The following JAK1 variants were observed in gnomAD, a reference collection of about 807,000 sequenced individuals.
The protein encoded by JAK1 is tyrosine-protein kinase JAK1.
A neutral mutation model predicts 136.6 loss-of-function variants in JAK1; 16 were observed. The observed-to-expected ratio is 0.12, with a 90% CI of 0.08 to 0.18. JAK1 has a LOEUF of 0.18. Ranked by LOEUF, JAK1 falls within the 10% of genes least tolerant of loss-of-function variation. JAK1 has a pLI of 1.00. For synonymous variants in JAK1, 492 were observed against 519.5 expected (o/e 0.95, Z 0.72); for missense variants, 859 against 1,450.1 (o/e 0.59, Z 6.62).
chr1:64,957,820 T>C (rs566852377), intron 1 of JAK1, among the ~76,000 whole-genome samples: 8 of 152,326 alleles, frequency 5.3e-5, no homozygotes, highest in African/African-American at 1.4e-4. Flanking sequence ...GGCGGGAGCC[T>C]GTAATCCCAG....
At chr1:65,022,687 A>G (rs930894397) in intron 2 of JAK1, among the ~76,000 whole-genome samples, 1 of 152,246 alleles carries the variant, frequency 6.6e-6, no homozygotes, top group African/African-American at 2.4e-5. Flanking sequence ...CTTTATTTTT[A>G]GACTTTAACA....
At chr1:64,935,450 C>A (rs748312230) in intron 1 of JAK1, among the ~76,000 whole-genome samples, 1 of 152,178 alleles carries the variant, frequency 6.6e-6, no homozygotes, top group Non-Finnish European at 1.5e-5. Flanking sequence ...CAGGCGTGTG[C>A]CACCACGCCC....
At chr1:64,835,078 C>G (rs1384759956) in intron 24 of JAK1, among the ~76,000 whole-genome samples, 1 of 148,342 alleles carries the variant, frequency 6.7e-6, no homozygotes, top group African/African-American at 2.5e-5. Flanking sequence ...GTGGGATAAA[C>G]TTACACACAA....
intron 5 of JAK1, among the ~76,000 whole-genome samples, chr1:64,872,111 C>T (rs887576813): frequency 2.0e-5 from 3 of 152,202 alleles, no homozygotes; most frequent in East Asian, 1.9e-4. Context: ...GTTCCCTCTA[C>T]ATCAGATCTT....
chr1:64,842,103 T>A (rs922098028), intron 17 of JAK1, among the ~76,000 whole-genome samples: 1 of 152,216 alleles, frequency 6.6e-6, no homozygotes, highest in African/African-American at 2.4e-5. Context: ...GTAAAAATTA[T>A]GATTTAATCT....
intron 1 of JAK1, among the ~76,000 whole-genome samples, chr1:64,934,028 C>G (rs1330545658): frequency 6.6e-6 from 1 of 152,164 alleles, no homozygotes; most frequent in Non-Finnish European, 1.5e-5. Context: ...TGGGAGCTGA[C>G]AGAAAGTGAC....
At chr1:64,948,564 A>T (rs1214032346) in intron 1 of JAK1, among the ~76,000 whole-genome samples, 4 of 152,222 alleles carry the variant, frequency 2.6e-5, no homozygotes, top group African/African-American at 9.6e-5. Flanking sequence ...AAACACAAGG[A>T]ATACTATCCA....
At chr1:64,905,906 G>A (rs1403153862) in intron 1 of JAK1, among the ~76,000 whole-genome samples, 2 of 152,240 alleles carry the variant, frequency 1.3e-5, no homozygotes, top group East Asian at 1.9e-4. Context: ...CCAAATGTCG[G>A]TGGCCCAAGG....
chr1:64,985,092 T>TGTA, intron 2 of JAK1: 1 of 957,392 alleles, frequency 1.0e-6, no homozygotes, highest in South Asian at 1.3e-5. Context: ...GCCTATCATA[T>TGTA]GTAGAGTCCT....
intron 17 of JAK1, among the ~76,000 whole-genome samples, chr1:64,843,311 T>G (rs1028229274): frequency 2.0e-5 from 3 of 152,160 alleles, no homozygotes; most frequent in African/African-American, 4.8e-5. Context: ...CAGGAGCACA[T>G]TCCAATTGCA....
chr1:64,960,619 G>A (rs1284266065), intron 1 of JAK1, among the ~76,000 whole-genome samples: 2 of 152,114 alleles, frequency 1.3e-5, no homozygotes, highest in Admixed American at 6.6e-5. Flanking sequence ...ACCTTCTCTC[G>A]CAGCTCACTC....
At chr1:64,848,952 A>G (rs1655414910) in intron 12 of JAK1, among the ~76,000 whole-genome samples, 1 of 152,228 alleles carries the variant, frequency 6.6e-6, no homozygotes, top group Admixed American at 6.5e-5. Flanking sequence ...TTGGCTATTC[A>G]TTAAAGCTGC....
chr1:65,043,254 CCTATT>C (rs1315884018), intron 2 of JAK1, among the ~76,000 whole-genome samples: 1 of 151,976 alleles, frequency 6.6e-6, no homozygotes, highest in Non-Finnish European at 1.5e-5. Context: ...AATTTTTATG[CCTATT>C]CTAAAGGTGA....
At position 64,833,229 on chromosome 1, in the gene JAK1, T is replaced by TAA. The variant is rs1654234424; in HGVS notation, c.*1331_*1332dup. The stretch of plus-strand genomic sequence containing the variant: ...CTTAATATTAAAAGGCATATGCATG[T>TAA]AAAGTCTTTAGTATATTTATTTGTA... On this transcript the variant is annotated 3_prime_UTR_variant, in exon 25 of 25. Coordinates refer to ENST00000342505, the MANE Select transcript of JAK1 (RefSeq NM_002227.4). The TAA allele has an allele frequency of 4.5e-6, 1 of 221,754 alleles. No homozygotes were observed. The highest frequency in any genetic ancestry group is 1.8e-4 in the South Asian group (1 of 5,428). The allele number at this position is 221,754 out of a possible 1,614,324, so 13.7% of individuals were successfully genotyped here. A position where few individuals can be genotyped will look rare whatever the true frequency, so the allele number is the denominator to read the frequency against.
intron 1 of JAK1, among the ~76,000 whole-genome samples, chr1:65,046,246 G>A (rs1647181693): frequency 6.6e-6 from 1 of 152,140 alleles, no homozygotes; most frequent in South Asian, 2.1e-4. Flanking sequence ...AAGACTTGGG[G>A]GATATGAATG....
At chr1:64,889,793 T>C (rs1000226906) in intron 1 of JAK1, among the ~76,000 whole-genome samples, 6 of 152,222 alleles carry the variant, frequency 3.9e-5, no homozygotes, top group African/African-American at 1.4e-4. Flanking sequence ...AACACACATT[T>C]TGGATAGTGG....
At chr1:65,014,567 C>T (rs1646876829) in intron 2 of JAK1, among the ~76,000 whole-genome samples, 1 of 151,886 alleles carries the variant, frequency 6.6e-6, no homozygotes, top group South Asian at 2.1e-4. Context: ...AGATCATTAT[C>T]AAAGGAATGG....
At chr1:64,955,213 G>C (rs1646162272) in intron 1 of JAK1, among the ~76,000 whole-genome samples, 1 of 152,212 alleles carries the variant, frequency 6.6e-6, no homozygotes, top group Admixed American at 6.5e-5. Context: ...GATGGTTCCT[G>C]TCCTCAAGGG....
intron 1 of JAK1, among the ~76,000 whole-genome samples, chr1:64,905,572 A>G (rs2100227046): frequency 6.6e-6 from 1 of 152,026 alleles, no homozygotes; most frequent in South Asian, 2.1e-4. Context: ...TTTCCCAAAT[A>G]CCCTCCCTGT....
Sources: allele counts gnomAD v4.1 joint callset (sites outside exome capture counted in the v4.1 genomes callset), GRCh38; gene constraint gnomAD v4.1.1; transcripts MANE v1.5; gene names NCBI Gene and HGNC (gene_info 2026-07-23, HGNC 2026-07-21).